Variants in VPS13C observed in about 807,000 individuals in gnomAD.
VPS13C encodes the protein intermembrane lipid transfer protein VPS13C.
Under a neutral mutation model 456.8 loss-of-function variants are expected in VPS13C, and 358 were observed. The observed-to-expected ratio is 0.78, with a 90% confidence interval of 0.72 to 0.86. The LOEUF (loss-of-function observed/expected upper bound fraction) is 0.86. Ranked by LOEUF, VPS13C falls within the 40% of genes least tolerant of loss-of-function variation. VPS13C has a pLI of 0.00. For missense variants in VPS13C, 4,818 were observed against 4,385.4 expected (o/e 1.10, Z -2.79); for synonymous variants, 1,578 against 1,486.7 (o/e 1.06, Z -1.41).
intron 28 of VPS13C, 56 bp from the exon 29 acceptor site, chr15:61,967,503 T>C (rs2045414846): frequency 1.5e-6 from 2 of 1,346,082 alleles, no homozygotes; most frequent in African/African-American, 1.5e-5. Flanking sequence ...CTTTTGTAAT[T>C]TGAAACATTT....
chr15:61,902,363 G>A (rs192094400), intron 66 of VPS13C, among the ~76,000 whole-genome samples: 10 of 151,268 alleles, frequency 6.6e-5, no homozygotes, highest in South Asian at 6.3e-4. Flanking sequence ...ACTGCAGAGC[G>A]GGGAATACTT....
chr15:62,020,542 C>G lies in VPS13C; in HGVS notation c.625-4G>C, dbSNP rs775093278. On this transcript the variant is annotated splice_region_variant and splice_polypyrimidine_tract_variant and intron_variant, in intron 8 of 84. Transcript: ENST00000644861. The stretch of plus-strand genomic sequence containing the variant: ...GAGGCCGCTTTGGATCAGTGACCTA[C>G]CAAAGAAGAAAAGATAACAGTAAAA... 1.4e-5 allele frequency: 22 copies of G among 1,610,768 alleles called. No homozygotes were observed. Among genetic ancestry groups the G allele is most frequent in the Non-Finnish European group, 1.2e-5 (14 of 1,178,084 alleles).
chr15:61,994,533 C>G (rs925501523), intron 16 of VPS13C, among the ~76,000 whole-genome samples: 2 of 151,716 alleles, frequency 1.3e-5, no homozygotes, highest in African/African-American at 2.4e-5. Flanking sequence ...TTAAATATAG[C>G]CAGTGAGAAA....
chr15:61,891,542 A>G (rs1337405140), intron 66 of VPS13C, among the ~76,000 whole-genome samples: 1 of 152,206 alleles, frequency 6.6e-6, no homozygotes, highest in Non-Finnish European at 1.5e-5. Context: ...GTTCACAGTT[A>G]TTATTCCAAT....
Position 61,983,918 on chromosome 15 carries a change from A to G in VPS13C, c.1816T>C (p.Ser606Pro), listed in dbSNP as rs1488592904. The change falls in exon 20 of 85, where the codon TCC (serine) becomes CCC (proline). Residue 606 changes from serine (S) to proline (P), a missense_variant. Ser to Pro is a moderately conservative substitution (Grantham distance 74). Transcript: ENST00000644861. Reference sequence around the variant, plus strand: ...GTTTCAAATTTAATTTTAAGCAAGGATGATGTAGTGTCACCAATTGAAGCC... The same window carrying G: ...GTTTCAAATTTAATTTTAAGCAAGGGTGATGTAGTGTCACCAATTGAAGCC... ...LVASIGDTTSSLLKIKFETNP... is the reference protein window; with the variant it reads ...LVASIGDTTSPLLKIKFETNP... 2 of 1,614,158 alleles carry G rather than the reference A, an allele frequency of 1.2e-6. No individual in the cohort carries two copies. Among genetic ancestry groups the G allele is most frequent in the South Asian group, 2.2e-5 (2 of 91,080 alleles).
In VPS13C at chr15:61,931,489, A is replaced by C. The variant is rs186199385; in HGVS notation, c.5869-230T>G. 5.9e-3 allele frequency among the ~76,000 whole-genome samples: 899 copies of C among 152,294 alleles called. 7 individuals carry two copies. The highest frequency in any genetic ancestry group is 0.021 in the African/African-American group (854 of 41,578). ...GAATATCCAACAATGATTAGTATAG[A>C]AAAATTTATCTGATTTACAGTTTAA... On this transcript the variant is annotated intron_variant, in intron 49 of 84. Coordinates refer to ENST00000644861, the MANE Select transcript of VPS13C (RefSeq NM_020821.3).
intron 11 of VPS13C, 22 bp from the exon 12 acceptor site, chr15:62,012,186 G>C (rs1390109807): frequency 7.1e-7 from 1 of 1,410,290 alleles, no homozygotes; most frequent in Non-Finnish European, 1.0e-6. Flanking sequence ...ATTTGAATGA[G>C]AATGAAAAAG....
chr15:61,881,813 G>A lies in VPS13C; in HGVS notation c.9640C>T (p.Pro3214Ser). ...LYWLQVDNQL[P>S]GAMFPVVFHP... Reference sequence around the variant, plus strand: ...AATACAACAGGGAACATTGCACCTGGTAACTGATTATCAACCTGAAAGAAA... The same window carrying A: ...AATACAACAGGGAACATTGCACCTGATAACTGATTATCAACCTGAAAGAAA... Residue 3214 changes from proline (P) to serine (S), a missense_variant, in exon 70 of 85, where the codon CCA (proline) becomes TCA (serine). Physicochemically the swap from Pro to Ser is moderately conservative, Grantham distance 74. Around this residue, in one of 3 missense-constraint regions of VPS13C, gnomAD observed 4,552 missense variants for 4,130.6 expected, o/e 1.10. Transcript: ENST00000644861. The A allele has an allele frequency of 6.3e-7, 1 of 1,593,776 alleles. No homozygotes were observed. Among genetic ancestry groups the A allele is most frequent in the Non-Finnish European group, 8.5e-7 (1 of 1,175,062 alleles).
At chr15:61,981,289 T>A (rs1317040780) in intron 22 of VPS13C, 53 bp downstream of exon 22, 128 of 1,523,574 alleles carry the variant, frequency 8.4e-5, no homozygotes, top group Non-Finnish European at 1.1e-4. Context: ...GTTGGAGAGT[T>A]AGCTAGCAAG....
chr15:62,051,184 A>G lies in VPS13C; in HGVS notation c.101-6929T>C, dbSNP rs574747774. Among the ~76,000 whole-genome samples the G allele has an allele frequency of 5.6e-4, 85 of 152,336 alleles. 2 individuals are homozygous for G. In the South Asian group the frequency reaches 8.3e-3, roughly 15 times the overall value. The stretch of plus-strand genomic sequence containing the variant: ...CTATAGCTTTCTTATGGTGCGTAAC[A>G]CTTAACTTTATATAAATCCCCAGTC... On this transcript the variant is annotated intron_variant, in intron 1 of 84. Transcript: ENST00000644861.
intron 1 of VPS13C, among the ~76,000 whole-genome samples, chr15:62,057,880 A>T (rs2048851704): frequency 6.6e-6 from 1 of 152,230 alleles, no homozygotes; most frequent in South Asian, 2.1e-4. Flanking sequence ...TATTGGCATC[A>T]CCTTCGATGT....
At chr15:61,908,855 G>T in intron 65 of VPS13C, 137 bp downstream of exon 65, 1 of 951,812 alleles carries the variant, frequency 1.1e-6, no homozygotes, top group Non-Finnish European at 1.5e-6. Context: ...AACATGTAAG[G>T]GTATTAAAGA....
chr15:61,859,796 A>C (rs1894125292), intron 82 of VPS13C, among the ~76,000 whole-genome samples: 1 of 152,044 alleles, frequency 6.6e-6, no homozygotes. Flanking sequence ...ACAGAGATGT[A>C]ACTTCATCTC....
chr15:62,019,924 G>T (rs2047395533), intron 9 of VPS13C, among the ~76,000 whole-genome samples: 1 of 150,244 alleles, frequency 6.7e-6, no homozygotes, highest in East Asian at 2.0e-4. Flanking sequence ...TTAGTTGCCT[G>T]TAATAGAAAT....
chr15:61,927,461 T>A, intron 51 of VPS13C, 141 bp from the exon 52 acceptor site: 1 of 631,982 alleles, frequency 1.6e-6, no homozygotes, highest in South Asian at 2.0e-5. Context: ...ATTGGTTAAT[T>A]AATACTAATT....
rs183475603 is a variant in VPS13C, at chr15:61,996,058, T to C, written c.1354-4256A>G. ...AATGGAGTTCATGAAGGCCAGAATG[T>C]ATGTGAGAAAACCCTGGCAGGGAAA... On this transcript the variant is annotated intron_variant, in intron 16 of 84. Transcript: ENST00000644861. 5.9e-5 allele frequency among the ~76,000 whole-genome samples: 9 copies of C among 152,294 alleles called. No individual in the cohort carries two copies. The East Asian group carries it at 1.7e-3, about 29-fold the overall frequency.
At chr15:62,007,505 A>G (rs1414539410) in intron 14 of VPS13C, 26 bp from the exon 15 acceptor site, 4 of 1,536,840 alleles carry the variant, frequency 2.6e-6, no homozygotes, top group Non-Finnish European at 3.5e-6. Context: ...TGTTAACGTA[A>G]ATGTTAATAT....
At chr15:62,003,265 T>G (rs1487320541) in intron 15 of VPS13C, among the ~76,000 whole-genome samples, 1 of 151,102 alleles carries the variant, frequency 6.6e-6, no homozygotes, top group Non-Finnish European at 1.5e-5. Context: ...CTAGGTATTT[T>G]ATTCTCTTTG....
At chr15:61,904,630 C>T (rs1396480633) in intron 66 of VPS13C, among the ~76,000 whole-genome samples, 1 of 152,000 alleles carries the variant, frequency 6.6e-6, no homozygotes, top group Non-Finnish European at 1.5e-5. Context: ...ATCCGCAATT[C>T]CGCTGCTTGG....
Sources: allele counts gnomAD v4.1 joint callset (sites outside exome capture counted in the v4.1 genomes callset), GRCh38; gene constraint gnomAD v4.1.1; regional missense constraint gnomAD v4.1.1; transcripts MANE v1.5; gene names NCBI Gene and HGNC (gene_info 2026-07-23, HGNC 2026-07-21).